The following PACS1 variants were observed in gnomAD, a reference collection of about 807,000 sequenced individuals.
PACS1 encodes the protein PACS-1.
PACS1 carries 24 observed loss-of-function variants against 115.0 expected under a neutral mutation model. That is an observed-to-expected ratio of 0.21 (90% confidence interval 0.15 to 0.29). The LOEUF (loss-of-function observed/expected upper bound fraction) is 0.29, where lower values mean the gene tolerates loss of function less well. PACS1 is among the 10% of genes least tolerant of loss of function. The pLI is 1.00. For synonymous variants in PACS1, 453 were observed against 504.5 expected (o/e 0.90, Z 1.37); for missense variants, 838 against 1,251.2 (o/e 0.67, Z 4.98).
chr11:66,171,633 G>A (rs1465690954), intron 1 of PACS1, among the ~76,000 whole-genome samples: 3 of 149,794 alleles, frequency 2.0e-5, no homozygotes, highest in Non-Finnish European at 4.4e-5. Flanking sequence ...AGGCTGGAGT[G>A]CAGTGGCGCA....
At chr11:66,106,329 T>C (rs551354790) in intron 1 of PACS1, among the ~76,000 whole-genome samples, 132 of 152,322 alleles carry the variant, frequency 8.7e-4, no homozygotes, top group African/African-American at 3.1e-3. Context: ...CGCAGCACTT[T>C]GGGAGGCTGA....
chr11:66,207,356 A>C (rs543652163), intron 2 of PACS1, among the ~76,000 whole-genome samples: 1 of 152,260 alleles, frequency 6.6e-6, no homozygotes, highest in Admixed American at 6.5e-5. Context: ...AATCCCAGCT[A>C]CTCAAGAGGC....
chr11:66,218,427 A>T (rs1855263909), intron 7 of PACS1: 1 of 152,232 alleles, frequency 6.6e-6, no homozygotes, highest in Admixed American at 6.5e-5. Flanking sequence ...GAGCTTTGCA[A>T]TGACACCAGG....
intron 1 of PACS1, among the ~76,000 whole-genome samples, chr11:66,113,138 T>A (rs1458834859): frequency 2.0e-5 from 3 of 152,240 alleles, no homozygotes; most frequent in Non-Finnish European, 4.4e-5. Context: ...GGTATAAATT[T>A]GTCAGAACTT....
intron 1 of PACS1, among the ~76,000 whole-genome samples, chr11:66,187,892 T>C (rs1435383983): frequency 6.6e-6 from 1 of 152,200 alleles, no homozygotes; most frequent in Non-Finnish European, 1.5e-5. Flanking sequence ...CATGCTGTTC[T>C]CCATAGTGGC....
At chr11:66,177,609 T>TTTTTG (rs1367741705) in intron 1 of PACS1, among the ~76,000 whole-genome samples, 3 of 152,212 alleles carry the variant, frequency 2.0e-5, no homozygotes, top group African/African-American at 7.2e-5. Context: ...TGTAAGGTTT[T>TTTTTG]TTTTGTTTTG....
chr11:66,159,077 A>G (rs190719434), intron 1 of PACS1, among the ~76,000 whole-genome samples: 3 of 152,344 alleles, frequency 2.0e-5, no homozygotes, highest in African/African-American at 4.8e-5. Context: ...CCTGATGGAA[A>G]AATTTTCAGT....
intron 1 of PACS1, among the ~76,000 whole-genome samples, chr11:66,087,748 T>C (rs1443065187): frequency 6.6e-6 from 1 of 152,218 alleles, no homozygotes; most frequent in Non-Finnish European, 1.5e-5. Context: ...TGGGCATTCT[T>C]GTACATGTCT....
intron 1 of PACS1, among the ~76,000 whole-genome samples, chr11:66,095,213 A>G (rs1857752620): frequency 6.6e-6 from 1 of 151,466 alleles, no homozygotes; most frequent in Admixed American, 6.6e-5. Context: ...TAGGCAGGAG[A>G]AGGAAATAAA....
intron 1 of PACS1, among the ~76,000 whole-genome samples, chr11:66,071,524 G>A (rs1169087293): frequency 6.6e-6 from 1 of 152,176 alleles, no homozygotes; most frequent in African/African-American, 2.4e-5. Context: ...CTGTCTGTTG[G>A]AACCATCTGG....
chr11:66,183,978 C>G (rs1201912341), intron 1 of PACS1, among the ~76,000 whole-genome samples: 1 of 152,116 alleles, frequency 6.6e-6, no homozygotes, highest in African/African-American at 2.4e-5. Flanking sequence ...GGTGTTGCCT[C>G]TTCTGTTACA....
Position 66,211,318 on chromosome 11 carries a change from C to T in PACS1, c.660+59C>T. Reference sequence around the variant, plus strand: ...TTGAGTCACAGAGCCCAAGGGACACCCCAGCCCAGCCAGTTGAGCCTTCCA... The same window carrying T: ...TTGAGTCACAGAGCCCAAGGGACACTCCAGCCCAGCCAGTTGAGCCTTCCA... On this transcript the variant is annotated intron_variant, in intron 4 of 23. Coordinates refer to ENST00000320580, the MANE Select transcript of PACS1 (RefSeq NM_018026.4). 3.2e-6 allele frequency: 5 copies of T among 1,568,006 alleles called. No homozygotes were observed. The South Asian group carries it at 3.4e-5, about 11-fold the overall frequency.
chr11:66,121,498 A>G (rs888006041), intron 1 of PACS1, among the ~76,000 whole-genome samples: 2 of 152,232 alleles, frequency 1.3e-5, no homozygotes, highest in Non-Finnish European at 2.9e-5. Flanking sequence ...AAGACAGGCT[A>G]AAAACCAGGC....
intron 1 of PACS1, among the ~76,000 whole-genome samples, chr11:66,117,091 G>T (rs964585627): frequency 6.6e-6 from 1 of 152,026 alleles, no homozygotes; most frequent in Non-Finnish European, 1.5e-5. Context: ...AAAACGATGT[G>T]TATTATGCAT....
chr11:66,163,273 C>T (rs376018590), intron 1 of PACS1, among the ~76,000 whole-genome samples: 1 of 148,538 alleles, frequency 6.7e-6, no homozygotes, highest in African/African-American at 2.5e-5. Context: ...ACTGCTTGAA[C>T]GAGGTGAGCA....
intron 1 of PACS1, among the ~76,000 whole-genome samples, chr11:66,087,731 G>A (rs900593100): frequency 6.6e-6 from 1 of 152,202 alleles, no homozygotes; most frequent in Non-Finnish European, 1.5e-5. Context: ...GCTGAATAGT[G>A]CTACTGTGGG....
chr11:66,228,721 G>A (rs924556674), intron 11 of PACS1, among the ~76,000 whole-genome samples: 2 of 152,154 alleles, frequency 1.3e-5, no homozygotes, highest in African/African-American at 2.4e-5. Context: ...TGAGGGTGAC[G>A]TCAGCATACC....
intron 7 of PACS1, chr11:66,217,042 A>G: frequency 2.1e-6 from 1 of 466,696 alleles, no homozygotes; most frequent in Non-Finnish European, 3.9e-6. Flanking sequence ...AATTCAGAAC[A>G]GATAGTGGTC....
chr11:66,147,315 G>C (rs1859150119), intron 1 of PACS1, among the ~76,000 whole-genome samples: 1 of 150,730 alleles, frequency 6.6e-6, no homozygotes, highest in Non-Finnish European at 1.5e-5. Context: ...CAAAGACTAG[G>C]AATTGCTTGC....
Sources: gnomAD v4.1 joint callset for allele counts (sites outside exome capture counted in the v4.1 genomes callset) on GRCh38, gnomAD v4.1.1 for gene constraint, MANE v1.5 for transcripts, NCBI Gene and HGNC (gene_info 2026-07-23, HGNC 2026-07-21) for gene names.